Variants in NRG2 observed in about 807,000 individuals in gnomAD.
The protein encoded by NRG2 is neuregulin 2, also known as pro-neuregulin-2, membrane-bound isoform.
A neutral mutation model predicts 73.9 loss-of-function variants in NRG2; 27 were observed. The observed-to-expected ratio is 0.37, with a 90% CI of 0.27 to 0.50. The LOEUF (loss-of-function observed/expected upper bound fraction) is 0.50, where lower values mean the gene tolerates loss of function less well. Ranked by LOEUF, NRG2 falls within the 20% of genes least tolerant of loss-of-function variation. The pLI, the probability that NRG2 is intolerant of heterozygous loss-of-function variation, is 0.96. For synonymous variants in NRG2, 532 were observed against 541.0 expected (o/e 0.98, Z 0.23); for missense variants, 1,126 against 1,210.1 (o/e 0.93, Z 1.03).
chr5:139,973,985 C>G, intron 1 of NRG2, among the ~76,000 whole-genome samples: 1 of 151,286 alleles, frequency 6.6e-6, no homozygotes, highest in East Asian at 1.9e-4. Flanking sequence ...TATGAGTGTT[C>G]TTATTTTCTT....
chr5:140,017,993 G>A (rs1471621428), intron 1 of NRG2, among the ~76,000 whole-genome samples: 1 of 152,050 alleles, frequency 6.6e-6, no homozygotes, highest in Admixed American at 6.6e-5. Flanking sequence ...AGAGAGGACC[G>A]ATAAGTATAA....
intron 1 of NRG2, among the ~76,000 whole-genome samples, chr5:139,932,221 A>AGTGTGTGTGTGTGT (rs3056594): frequency 8.8e-4 from 124 of 141,450 alleles, no homozygotes; most frequent in African/African-American, 2.9e-3. Flanking sequence ...AAGAAAATGT[A>AGTGTGTGTGTGTGT]GTGTGTGTGT....
At position 139,956,286 on chromosome 5, in the gene NRG2, C is replaced by T. The variant is rs562609477; in HGVS notation, c.701-68775G>A. On this transcript the variant is annotated intron_variant, in intron 1 of 9. Transcript: ENST00000361474. ...CCTGGATAGTCAGGTCAGGAGGCTCCGAGCTGTCCCTGTCCTGACCAGCTA... is the reference window on the plus strand; with the variant it reads ...CCTGGATAGTCAGGTCAGGAGGCTCTGAGCTGTCCCTGTCCTGACCAGCTA... Among the ~76,000 whole-genome samples, 13 of 152,220 alleles carry T rather than the reference C, an allele frequency of 8.5e-5. No individual in the cohort carries two copies. The South Asian group carries it at 2.7e-3, about 32-fold the overall frequency.
Position 139,848,043 on chromosome 5 carries a change from C to T in NRG2, c.2427G>A (p.Ser809=). ...TGTCGGCCGCCGGGCACAGTGGCGGCGAGTCCGAGCGCAGCGCGTCGTGCG... is the reference window on the plus strand; with the variant it reads ...TGTCGGCCGCCGGGCACAGTGGCGGTGAGTCCGAGCGCAGCGCGTCGTGCG... ...RGAHDALRSD[S]PPLCPAADSR... Residue 809 remains serine (S), a synonymous_variant, in exon 10 of 10, where the codon TCG becomes TCA. Transcript: ENST00000361474. 6.6e-7 allele frequency: 1 copy of T among 1,507,020 alleles called. No individual in the cohort carries two copies. Among genetic ancestry groups the T allele is most frequent in the Non-Finnish European group, 8.8e-7 (1 of 1,133,786 alleles). The allele number at this position is 1,507,020 out of a possible 1,614,324, so 93.4% of individuals were successfully genotyped here.
Position 140,043,145 on chromosome 5 carries a change from C to T in NRG2, c.-76G>A, listed in dbSNP as rs1212994481. 1 of 1,513,410 alleles carries T rather than the reference C, an allele frequency of 6.6e-7. No homozygotes were observed. The highest frequency in any genetic ancestry group is 1.4e-5 in the African/African-American group (1 of 71,480). 93.7% of individuals were successfully genotyped at this position (1,513,410 alleles called of 1,614,324 possible). The stretch of plus-strand genomic sequence containing the variant: ...AGGGGAAACAGAGCCCGCTGGAAAA[C>T]CGGAAACAGCGTAACGTTAGCGCCT... On this transcript the variant is annotated 5_prime_UTR_variant, in exon 1 of 10. Coordinates refer to ENST00000361474, the MANE Select transcript of NRG2 (RefSeq NM_004883.3). The surrounding 1 kb of genome is among the most constrained non-coding windows in gnomAD (Gnocchi z 6.7).
intron 5 of NRG2, among the ~76,000 whole-genome samples, chr5:139,858,626 C>T (rs1382658764): frequency 6.6e-6 from 1 of 152,178 alleles, no homozygotes; most frequent in Non-Finnish European, 1.5e-5. Context: ...ATTGACATAT[C>T]TGCACACTCA....
intron 1 of NRG2, among the ~76,000 whole-genome samples, chr5:139,923,139 G>T (rs932672803): frequency 1.3e-5 from 2 of 152,148 alleles, no homozygotes; most frequent in Non-Finnish European, 2.9e-5. Context: ...TTCGTCAATT[G>T]TAACAAACGT....
chr5:139,896,746 A>G (rs1764566321), intron 1 of NRG2, among the ~76,000 whole-genome samples: 1 of 152,058 alleles, frequency 6.6e-6, no homozygotes, highest in Non-Finnish European at 1.5e-5. Flanking sequence ...TCTTATCCTC[A>G]TAACTCTCCA....
intron 1 of NRG2, among the ~76,000 whole-genome samples, chr5:140,013,769 T>C (rs1301421022): frequency 1.3e-5 from 2 of 152,196 alleles, no homozygotes; most frequent in African/African-American, 4.8e-5. Flanking sequence ...AACCCATTGA[T>C]AATGAGGTTA....
chr5:139,995,757 T>C (rs921801166), intron 1 of NRG2, among the ~76,000 whole-genome samples: 1 of 152,188 alleles, frequency 6.6e-6, no homozygotes, highest in African/African-American at 2.4e-5. Flanking sequence ...CTTACACCTG[T>C]AAGCCCAGTG....
chr5:139,964,357 T>C (rs1202494802), intron 1 of NRG2, among the ~76,000 whole-genome samples: 6 of 142,836 alleles, frequency 4.2e-5, no homozygotes, highest in Admixed American at 2.1e-4. Context: ...GAAATACAGA[T>C]ACACACACAC....
intron 1 of NRG2, among the ~76,000 whole-genome samples, chr5:139,903,712 T>C (rs1277059985): frequency 1.3e-5 from 2 of 152,236 alleles, no homozygotes; most frequent in Non-Finnish European, 2.9e-5. Flanking sequence ...CAATGTCTAG[T>C]CCAGTTCCCA....
At chr5:139,969,389 T>C (rs1755812383) in intron 1 of NRG2, among the ~76,000 whole-genome samples, 1 of 152,188 alleles carries the variant, frequency 6.6e-6, no homozygotes, top group Non-Finnish European at 1.5e-5. Flanking sequence ...GGCTAACAGG[T>C]AAAAGTCAAG....
At chr5:140,022,173 A>G (rs1760287400) in intron 1 of NRG2, among the ~76,000 whole-genome samples, 1 of 152,138 alleles carries the variant, frequency 6.6e-6, no homozygotes, top group Non-Finnish European at 1.5e-5. Context: ...GTCCCAAAAC[A>G]TGTTTGAGCT....
intron 1 of NRG2, among the ~76,000 whole-genome samples, chr5:140,022,998 T>G (rs532359935): frequency 1.3e-5 from 2 of 152,288 alleles, no homozygotes; most frequent in African/African-American, 4.8e-5. Context: ...ACTGCCTAGT[T>G]TACCTGCCTC....
chr5:139,930,548 T>C (rs1241027997), intron 1 of NRG2, among the ~76,000 whole-genome samples: 1 of 152,212 alleles, frequency 6.6e-6, no homozygotes, highest in Non-Finnish European at 1.5e-5. Flanking sequence ...GTGTTTCCTC[T>C]GCTGGTAGGA....
chr5:139,939,254 TTC>T (rs56970193), intron 1 of NRG2, among the ~76,000 whole-genome samples: 3 of 149,328 alleles, frequency 2.0e-5, no homozygotes, highest in African/African-American at 7.5e-5. Flanking sequence ...CTTTCTTTCT[TTC>T]TTTCTTTTTC....
At chr5:139,889,163 ATCAACT>A (rs1328853603) in intron 1 of NRG2, among the ~76,000 whole-genome samples, 1 of 152,222 alleles carries the variant, frequency 6.6e-6, no homozygotes, top group Non-Finnish European at 1.5e-5. Context: ...AGAAGTATCT[ATCAACT>A]TCAGTATCGT....
intron 2 of NRG2, among the ~76,000 whole-genome samples, chr5:139,882,521 T>C (rs1347566168): frequency 6.6e-6 from 1 of 152,216 alleles, no homozygotes; most frequent in Non-Finnish European, 1.5e-5. Context: ...AACCCTCTTC[T>C]GTCAATTATA....
Sources: allele counts gnomAD v4.1 joint callset (sites outside exome capture counted in the v4.1 genomes callset), GRCh38; gene constraint gnomAD v4.1.1; non-coding constraint Gnocchi (gnomAD v3.1); transcripts MANE v1.5; gene names NCBI Gene and HGNC (gene_info 2026-07-23, HGNC 2026-07-21).